TRAK1: variants seen among roughly 807,000 people sequenced by gnomAD.
TRAK1 encodes trafficking kinesin protein 1.
TRAK1 carries 33 observed loss-of-function variants against 92.1 expected under a neutral mutation model. That is an observed-to-expected ratio of 0.36 (90% confidence interval 0.27 to 0.48). The LOEUF is 0.48. Among genes scored for constraint, TRAK1 ranks in the 20% least tolerant of loss-of-function variants. The pLI, the probability that TRAK1 is intolerant of heterozygous loss-of-function variation, is 0.99. For synonymous variants in TRAK1, 521 were observed against 517.3 expected (o/e 1.01, Z -0.10); for missense variants, 1,123 against 1,257.9 (o/e 0.89, Z 1.62).
chr3:42,221,476 C>T (rs1407014304), intron 15 of TRAK1, among the ~76,000 whole-genome samples: 4 of 152,226 alleles, frequency 2.6e-5, no homozygotes, highest in East Asian at 3.9e-4. Flanking sequence ...CTTTGAACCT[C>T]GTGTTTCCCA....
At chr3:42,186,835 A>G (rs1376021527) in intron 4 of TRAK1, among the ~76,000 whole-genome samples, 2 of 152,242 alleles carry the variant, frequency 1.3e-5, no homozygotes, top group African/African-American at 4.8e-5. Context: ...TAGGTGTCGA[A>G]GCTAAAACTT....
At chr3:42,085,316 C>T (rs4974014), upstream of TRAK1, among the ~76,000 whole-genome samples, 76,223 of 151,852 alleles carry the variant, frequency 0.5, 20,352 homozygotes, top group South Asian at 0.67. Context: ...TACAGGCATG[C>T]GCCACGATGC....
At chr3:42,218,969 A>C (rs1333970900) in intron 14 of TRAK1, 1 of 985,260 alleles carries the variant, frequency 1.0e-6, no homozygotes, top group African/African-American at 1.7e-5. Flanking sequence ...ACAGTAGTGG[A>C]GCCAGCATCC....
chr3:42,179,081 GT>G (rs1477143756), intron 3 of TRAK1, among the ~76,000 whole-genome samples: 1 of 152,174 alleles, frequency 6.6e-6, no homozygotes, highest in Non-Finnish European at 1.5e-5. Context: ...ACCTCCCAAA[GT>G]GCTGGGATTA....
At chr3:42,196,896 T>A (rs928294268) in intron 10 of TRAK1, among the ~76,000 whole-genome samples, 3 of 151,724 alleles carry the variant, frequency 2.0e-5, no homozygotes, top group Non-Finnish European at 4.4e-5. Context: ...CCACAGATGC[T>A]GATCTCCACT....
intron 13 of TRAK1, chr3:42,203,788 C>T: frequency 1.1e-6 from 1 of 917,058 alleles, no homozygotes; most frequent in East Asian, 1.2e-4. Context: ...ATTTTAATAC[C>T]ACATATATAT....
In TRAK1 at chr3:42,199,210, C is replaced by A; in HGVS notation, c.1147C>A (p.Arg383Ser). Residue 383 changes from arginine (R) to serine (S), a missense_variant, in exon 11 of 16, where the codon CGC becomes AGC. By Grantham distance (110) the Arg-to-Ser change is moderately radical (BLOSUM62 -1). Coordinates refer to ENST00000327628, the MANE Select transcript of TRAK1 (RefSeq NM_001042646.3). ...GGCAGCAGAGATTGAGGGAACGATGCGCAAGGAGCTGCAGTTGGAAGAGGC... is the reference window on the plus strand; with the variant it reads ...GGCAGCAGAGATTGAGGGAACGATGAGCAAGGAGCTGCAGTTGGAAGAGGC... Reference protein sequence around the residue: ...SLAAEIEGTMRKELQLEEAES... With the variant: ...SLAAEIEGTMSKELQLEEAES... 1 of 1,613,800 alleles carries A rather than the reference C, an allele frequency of 6.2e-7. No homozygotes were observed. The highest frequency in any genetic ancestry group is 8.5e-7 in the Non-Finnish European group (1 of 1,180,028).
chr3:42,138,873 G>A, intron 2 of TRAK1, among the ~76,000 whole-genome samples: 1 of 71,388 alleles, frequency 1.4e-5, no homozygotes, highest in Non-Finnish European at 2.5e-5. Flanking sequence ...AGAAAGCATA[G>A]GGGGTGTGTG....
chr3:42,031,229 G>A (rs1702134910), intron 1 of TRAK1, among the ~76,000 whole-genome samples: 1 of 151,382 alleles, frequency 6.6e-6, no homozygotes, highest in African/African-American at 2.4e-5. Flanking sequence ...AGTAGAGATG[G>A]GGTTTCACGA....
At chr3:42,032,809 G>C (rs541081963) in intron 1 of TRAK1, among the ~76,000 whole-genome samples, 142 of 152,280 alleles carry the variant, frequency 9.3e-4, no homozygotes, top group African/African-American at 3.2e-3. Context: ...TGTCGTTCCA[G>C]CTACTCAGAG....
intron 1 of TRAK1, among the ~76,000 whole-genome samples, chr3:42,061,833 A>G (rs1054819362): frequency 2.0e-5 from 3 of 152,208 alleles, no homozygotes; most frequent in Non-Finnish European, 4.4e-5. Context: ...AGCTTTATTC[A>G]GTAGTACTTT....
chr3:42,218,599 CTGTTCCT>C, intron 14 of TRAK1: 1 of 985,290 alleles, frequency 1.0e-6, no homozygotes, highest in Non-Finnish European at 1.2e-6. Context: ...CCCATAGACT[CTGTTCCT>C]TGTTCCTTTG....
chr3:42,210,085 C>T (rs1279651697), intron 14 of TRAK1, 100 bp downstream of exon 14: 2 of 1,576,608 alleles, frequency 1.3e-6, no homozygotes, highest in Non-Finnish European at 1.7e-6. Flanking sequence ...CCAGCGGCCA[C>T]GGAGGAGGAG....
At chr3:42,144,428 G>A (rs1296488513) in intron 2 of TRAK1, among the ~76,000 whole-genome samples, 3 of 152,242 alleles carry the variant, frequency 2.0e-5, no homozygotes, top group East Asian at 3.9e-4. Context: ...CCATTTAGCA[G>A]ATGAGACTGA....
chr3:42,205,829 G>C (rs1481499053), intron 13 of TRAK1, among the ~76,000 whole-genome samples: 3 of 152,354 alleles, frequency 2.0e-5, no homozygotes, highest in Non-Finnish European at 2.9e-5. Context: ...GAAAGCAGAG[G>C]GGGAAGGACG....
At chr3:42,096,867 T>G (rs1706006761) in intron 1 of TRAK1, among the ~76,000 whole-genome samples, 1 of 152,246 alleles carries the variant, frequency 6.6e-6, no homozygotes, top group African/African-American at 2.4e-5. Flanking sequence ...CTACTCACTC[T>G]TAGAAGCATT....
At chr3:42,063,268 G>A (rs1028091397) in intron 1 of TRAK1, among the ~76,000 whole-genome samples, 3 of 152,216 alleles carry the variant, frequency 2.0e-5, no homozygotes, top group Non-Finnish European at 4.4e-5. Context: ...TCCGCTTCGC[G>A]GGAAAAGTTT....
At chr3:42,067,429 A>G (rs534482337) in intron 1 of TRAK1, among the ~76,000 whole-genome samples, 2 of 152,370 alleles carry the variant, frequency 1.3e-5, no homozygotes, top group South Asian at 4.1e-4. Flanking sequence ...ATATAGTGAC[A>G]GATTCAGTTT....
At chr3:42,105,942 TA>T (rs1707483970) in intron 1 of TRAK1, among the ~76,000 whole-genome samples, 1 of 152,142 alleles carries the variant, frequency 6.6e-6, no homozygotes, top group Non-Finnish European at 1.5e-5. Flanking sequence ...GAAGGAGAAA[TA>T]AAATCCTCTA....
Sources: gnomAD v4.1 joint callset for allele counts (sites outside exome capture counted in the v4.1 genomes callset) on GRCh38, gnomAD v4.1.1 for gene constraint, MANE v1.5 for transcripts, NCBI Gene and HGNC (gene_info 2026-07-23, HGNC 2026-07-21) for gene names.